RAB37: variants seen among roughly 807,000 people sequenced by gnomAD.
RAB37 encodes the protein ras-related protein Rab-37.
A neutral mutation model predicts 33.1 loss-of-function variants in RAB37; 29 were observed. The observed-to-expected ratio is 0.88, with a 90% CI of 0.65 to 1.20. RAB37 has a LOEUF of 1.20. Among genes scored for constraint, RAB37 ranks in the 50% most tolerant of loss-of-function variants. The probability of loss-of-function intolerance (pLI) is 0.00; values close to 1 mark genes in which losing one functional copy is unlikely to be tolerated. For missense variants in RAB37, 299 were observed against 301.1 expected, an observed-to-expected ratio of 0.99 and a Z score of 0.05; for synonymous variants, 128 against 119.5, an observed-to-expected ratio of 1.07 and a Z score of -0.47.
upstream of RAB37, among the ~76,000 whole-genome samples, chr17:74,733,901 C>T (rs1031303301): frequency 3.3e-5 from 5 of 152,210 alleles, no homozygotes; most frequent in Admixed American, 1.3e-4. Flanking sequence ...TACCACAGAC[C>T]CAGCAGGCCT....
chr17:74,709,871 C>T (rs1194051474), intron 1 of RAB37, among the ~76,000 whole-genome samples: 1 of 151,984 alleles, frequency 6.6e-6, no homozygotes, highest in African/African-American at 2.4e-5. Context: ...TCATGCATCA[C>T]CAGCCAAATT....
intron 1 of RAB37, among the ~76,000 whole-genome samples, chr17:74,672,367 C>T (rs113743769): frequency 2.6e-5 from 4 of 152,300 alleles, no homozygotes; most frequent in African/African-American, 9.6e-5. Flanking sequence ...GTTATTATGG[C>T]TCACCTTCCT....
At chr17:74,704,853 C>A (rs369103428) in intron 1 of RAB37, 88 of 1,531,284 alleles carry the variant, frequency 5.7e-5, no homozygotes, top group Non-Finnish European at 7.4e-5. Context: ...CACCTCCCAC[C>A]CCAAGGGCAG....
At chr17:74,743,932 T>C (rs971062562) in intron 5 of RAB37, among the ~76,000 whole-genome samples, 5 of 152,160 alleles carry the variant, frequency 3.3e-5, no homozygotes, top group African/African-American at 1.2e-4. Context: ...AACCCCATGC[T>C]CATGGCAGAC....
intron 1 of RAB37, among the ~76,000 whole-genome samples, chr17:74,728,724 A>G (rs955756395): frequency 3.3e-5 from 5 of 150,226 alleles, no homozygotes; most frequent in African/African-American, 1.2e-4. Flanking sequence ...TGTTCTGTGC[A>G]TATATGTGTA....
chr17:74,692,459 T>C (rs1237044190), intron 1 of RAB37, among the ~76,000 whole-genome samples: 2 of 152,128 alleles, frequency 1.3e-5, no homozygotes, highest in Non-Finnish European at 2.9e-5. Flanking sequence ...CCAGATGCCC[T>C]TGGGGTGTCC....
intron 1 of RAB37, among the ~76,000 whole-genome samples, chr17:74,701,828 C>A (rs1220702210): frequency 3.9e-5 from 5 of 127,232 alleles, no homozygotes; most frequent in African/African-American, 1.2e-4. Context: ...CCAACCTGGG[C>A]AACAGAGTGA....
chr17:74,724,468 G>T (rs1172493254), intron 1 of RAB37, among the ~76,000 whole-genome samples: 1 of 152,228 alleles, frequency 6.6e-6, no homozygotes, highest in African/African-American at 2.4e-5. Flanking sequence ...TAGTGATTTT[G>T]GGGGCCTAAG....
At chr17:74,739,774 G>A (rs922167079) in intron 1 of RAB37, among the ~76,000 whole-genome samples, 1 of 151,668 alleles carries the variant, frequency 6.6e-6, no homozygotes. Flanking sequence ...CAGGTGATCC[G>A]TCCACCTTGG....
chr17:74,723,829 C>G (rs1201286722), intron 1 of RAB37, among the ~76,000 whole-genome samples: 1 of 152,036 alleles, frequency 6.6e-6, no homozygotes, highest in Non-Finnish European at 1.5e-5. Context: ...TTGCCTTGGC[C>G]TCTCAAAATG....
intron 1 of RAB37, among the ~76,000 whole-genome samples, chr17:74,686,535 C>T (rs1048794626): frequency 6.6e-6 from 1 of 152,070 alleles, no homozygotes; most frequent in Non-Finnish European, 1.5e-5. Context: ...GGATTACAGG[C>T]GTACACCACT....
At chr17:74,687,398 A>G (rs2032075586) in intron 1 of RAB37, among the ~76,000 whole-genome samples, 1 of 150,806 alleles carries the variant, frequency 6.6e-6, no homozygotes, top group South Asian at 2.1e-4. Context: ...TAATTTTTGT[A>G]TTTTTAATAG....
At chr17:74,697,625 G>A (rs1322722870) in intron 1 of RAB37, among the ~76,000 whole-genome samples, 1 of 151,992 alleles carries the variant, frequency 6.6e-6, no homozygotes, top group Admixed American at 6.6e-5. Context: ...AAGAGAAAGA[G>A]GTACAATTGT....
rs933485971 is a variant in RAB37, at chr17:74,739,536, T to G, written c.94-1232T>G. On this transcript the variant is annotated intron_variant, in intron 1 of 8. Transcript: ENST00000392613. ...CTAATTCATGCAACCTTTTTTTTTT[T>G]TTTTTTTTTTTGAGACAGAGTGTCG... is the stretch of plus-strand genomic sequence containing the variant. Among the ~76,000 whole-genome samples, 36 of 148,496 alleles carry G rather than the reference T, an allele frequency of 2.4e-4. 1 individual carries two copies. Among genetic ancestry groups the G allele is most frequent in the Non-Finnish European group, 4.5e-4 (30 of 66,880 alleles).
rs2031836886 is a variant in RAB37, at chr17:74,676,517, T to A, written c.72+4859T>A. ...AGGTAATATCTGCCACTCTCCCCCATCTCCTGCACTTATTCTTCACTTCCT... is the reference window on the plus strand; with the variant it reads ...AGGTAATATCTGCCACTCTCCCCCAACTCCTGCACTTATTCTTCACTTCCT... On this transcript the variant is annotated intron_variant, in intron 1 of 7. Transcript: ENST00000340415. The surrounding 1 kb of genome is among the most constrained non-coding windows in gnomAD (Gnocchi z 4.1). Among the ~76,000 whole-genome samples, 2 of 152,206 alleles carry A rather than the reference T, an allele frequency of 1.3e-5. No individual in the cohort carries two copies. The highest frequency in any genetic ancestry group is 2.1e-4 in the South Asian group (1 of 4,832).
At chr17:74,726,169 A>G (rs2034304247) in intron 1 of RAB37, among the ~76,000 whole-genome samples, 1 of 149,974 alleles carries the variant, frequency 6.7e-6, no homozygotes, top group Non-Finnish European at 1.5e-5. Flanking sequence ...CGGGAGGCAA[A>G]GGTTATTGTG....
chr17:74,690,060 T>G (rs753113876), intron 1 of RAB37, among the ~76,000 whole-genome samples: 24 of 152,136 alleles, frequency 1.6e-4, no homozygotes, highest in Non-Finnish European at 2.9e-4. Flanking sequence ...CAAGCGATCC[T>G]ACCCCCTCAG....
chr17:74,688,396 C>CA (rs923409906), intron 1 of RAB37, among the ~76,000 whole-genome samples: 21 of 151,632 alleles, frequency 1.4e-4, no homozygotes, highest in East Asian at 1.4e-3. Context: ...CTAAAAAATA[C>CA]AAAAAAATTA....
At chr17:74,688,875 G>C (rs1038946356) in intron 1 of RAB37, among the ~76,000 whole-genome samples, 1 of 152,150 alleles carries the variant, frequency 6.6e-6, no homozygotes, top group Non-Finnish European at 1.5e-5. Flanking sequence ...ATGTGTGTGT[G>C]GTTTGTGCTT....
Sources: gnomAD v4.1 joint callset for allele counts (sites outside exome capture counted in the v4.1 genomes callset) on GRCh38, gnomAD v4.1.1 for gene constraint, Gnocchi (gnomAD v3.1) non-coding constraint, MANE v1.5 for transcripts, NCBI Gene and HGNC (gene_info 2026-07-23, HGNC 2026-07-21) for gene names.